The following CELSR2 variants were observed in gnomAD, a reference collection of about 807,000 sequenced individuals.
The protein encoded by CELSR2 is EGF-like protein 2.
CELSR2 carries 81 observed loss-of-function variants against 251.6 expected under a neutral mutation model. The observed-to-expected ratio is 0.32, with a 90% confidence interval of 0.27 to 0.39. The LOEUF is 0.39. CELSR2 is among the 10% of genes least tolerant of loss of function. The probability of loss-of-function intolerance (pLI) is 1.00; values close to 1 mark genes in which losing one functional copy is unlikely to be tolerated. For missense variants in CELSR2, 3,365 were observed against 3,947.7 expected (o/e 0.85, Z 3.96); for synonymous variants, 1,721 against 1,670.5 (o/e 1.03, Z -0.74).
At chr1:109,260,962 C>T in intron 2 of CELSR2, 80 bp from the exon 3 acceptor site, 1 of 1,084,938 alleles carries the variant, frequency 9.2e-7, no homozygotes, top group South Asian at 1.4e-5. Context: ...GCCATGGGAG[C>T]TATCACTGGG....
At chr1:109,266,336 C>T in intron 15 of CELSR2, 130 bp downstream of exon 15, 1 of 1,072,204 alleles carries the variant, frequency 9.3e-7, no homozygotes. Flanking sequence ...GATTTCATTT[C>T]CCATCTTCCT....
chr1:109,263,587 G>A lies in CELSR2; in HGVS notation c.4835-24G>A, dbSNP rs116539539. ...GCCCTCTGAGGCTCCACCCGTCACAGTCTGCCTTTTCCTGCCTCCCCAGAA... is the reference window on the plus strand; with the variant it reads ...GCCCTCTGAGGCTCCACCCGTCACAATCTGCCTTTTCCTGCCTCCCCAGAA... On this transcript the variant is annotated intron_variant, in intron 8 of 33. Transcript: ENST00000271332. 22 of 1,611,506 alleles carry A rather than the reference G, an allele frequency of 1.4e-5. No individual in the cohort carries two copies. In the African/African-American group the frequency reaches 2.9e-4, roughly 21 times the overall value.
At position 109,253,272 on chromosome 1, in the gene CELSR2, G is replaced by C. The variant is rs138135177; in HGVS notation, c.3193G>C (p.Glu1065Gln). The C allele has an allele frequency of 2.6e-4, 422 of 1,613,462 alleles. 1 individual carries two copies. In the African/African-American group the frequency reaches 5.2e-3, roughly 20 times the overall value. ...DISDSLTYSFERGNELSLVLL... is the reference protein window; with the variant it reads ...DISDSLTYSFQRGNELSLVLL... ...CTCAGATAGTCTGACTTACAGCTTT[G>C]AGCGGGGAAATGAACTCAGCCTGGT... is the stretch of plus-strand genomic sequence containing the variant. The change falls in exon 1 of 34, where the codon GAG becomes CAG. Residue 1065 changes from glutamate to glutamine, a missense_variant. Physicochemically the swap from Glu to Gln is conservative, Grantham distance 29 (BLOSUM62 2). This residue lies in a region of CELSR2 where 505 missense variants were observed against 660.0 expected (regional missense o/e 0.77). Transcript: ENST00000271332.
At chr1:109,271,784 G>A in intron 28 of CELSR2, 62 bp downstream of exon 28, 2 of 1,581,202 alleles carry the variant, frequency 1.3e-6, no homozygotes, top group Non-Finnish European at 8.6e-7. Flanking sequence ...GGCCCAGTGA[G>A]CCTGTACTTT....
At chr1:109,257,833 A>G (rs1265173126) in intron 1 of CELSR2, among the ~76,000 whole-genome samples, 1 of 152,194 alleles carries the variant, frequency 6.6e-6, no homozygotes, top group African/African-American at 2.4e-5. Flanking sequence ...ACAGCAGCCC[A>G]GAGAGTTGGG....
chr1:109,265,366 C>T (rs1462564081), intron 13 of CELSR2, 55 bp downstream of exon 13: 2 of 1,542,306 alleles, frequency 1.3e-6, no homozygotes, highest in Non-Finnish European at 1.8e-6. Context: ...GTCCACATCT[C>T]CTGGGCCCTA....
At chr1:109,271,065 G>A (rs749856046) in intron 25 of CELSR2, 26 bp downstream of exon 25, 10 of 1,579,534 alleles carry the variant, frequency 6.3e-6, no homozygotes, top group African/African-American at 4.0e-5. Context: ...TGGGTTGGGT[G>A]TCACCTGTGG....
chr1:109,252,425 C>T lies in CELSR2; in HGVS notation c.2346C>T (p.Thr782=). Residue 782 remains threonine, a synonymous_variant, in exon 1 of 34, where the codon ACC becomes ACT. Transcript: ENST00000271332. This position sits in a 1 kb window ranked among gnomAD's most constrained non-coding sequence, Gnocchi z 4.8. The part of the protein sequence containing the change: ...ELDYEDQVSY[T]LAITARDNGI... ...ACTATGAAGACCAAGTGTCTTACAC[C>T]CTGGCCATTACTGCTCGGGACAATG... is the stretch of plus-strand genomic sequence containing the variant. The T allele has an allele frequency of 1.2e-6, 2 of 1,613,488 alleles. No individual in the cohort carries two copies. Among genetic ancestry groups the T allele is most frequent in the African/African-American group, 2.7e-5 (2 of 75,048 alleles).
chr1:109,263,541 G>A (rs985043754), intron 8 of CELSR2, 70 bp from the exon 9 acceptor site: 29 of 1,572,900 alleles, frequency 1.8e-5, no homozygotes, highest in African/African-American at 6.7e-5. Context: ...AGCCGCCACC[G>A]CTGAGCATCA....
chr1:109,249,603 A>T lies in CELSR2; in HGVS notation c.-477A>T, dbSNP rs996210855. Among the ~76,000 whole-genome samples, 1 of 147,840 alleles carries T rather than the reference A, an allele frequency of 6.8e-6. No homozygotes were observed. Among genetic ancestry groups the T allele is most frequent in the African/African-American group, 2.4e-5 (1 of 40,914 alleles). On this transcript the variant is annotated 5_prime_UTR_variant, in exon 1 of 34. Transcript: ENST00000271332. ...GGGCTGGGCCCGGGGCCGCGGCGACAGGCAGCAGCCGCGGCGGGGACGCGG... is the reference window on the plus strand; with the variant it reads ...GGGCTGGGCCCGGGGCCGCGGCGACTGGCAGCAGCCGCGGCGGGGACGCGG...
Position 109,272,666 on chromosome 1 carries a change from A to C in CELSR2, c.8081A>C (p.Gln2694Pro). 1 of 1,613,686 alleles carries C rather than the reference A, an allele frequency of 6.2e-7. No homozygotes were observed. Among genetic ancestry groups the C allele is most frequent in the Non-Finnish European group, 8.5e-7 (1 of 1,179,898 alleles). Reference protein sequence around the residue: ...LREESALNPGQGPPGLGDPGS... With the variant: ...LREESALNPGPGPPGLGDPGS... ...GAGGAGTCCGCACTGAACCCTGGCC[A>C]AGGGCCCCCTGGCCTGGGGGATCCA... The change falls in exon 30 of 34, where the codon CAA becomes CCA. Residue 2694 changes from glutamine (Q) to proline (P), a missense_variant. By Grantham distance (76) the Gln-to-Pro change is moderately conservative (BLOSUM62 -1). This residue lies in a region of CELSR2 where 2,093 missense variants were observed against 2,382.8 expected (regional missense o/e 0.88). Transcript: ENST00000271332.
At position 109,263,718 on chromosome 1, in the gene CELSR2, C is replaced by G. The variant is rs1656097218; in HGVS notation, c.4942C>G (p.Gln1648Glu). The G allele has an allele frequency of 6.2e-7, 1 of 1,613,916 alleles. No individual in the cohort carries two copies. Among genetic ancestry groups the G allele is most frequent in the South Asian group, 1.1e-5 (1 of 91,092 alleles). The change falls in exon 9 of 34, where the codon CAG becomes GAG. Residue 1648 changes from glutamine to glutamate, a missense_variant. By Grantham distance (29) the Gln-to-Glu change is conservative (BLOSUM62 2). Coordinates refer to ENST00000271332, the MANE Select transcript of CELSR2 (RefSeq NM_001408.3). Reference sequence around the variant, plus strand: ...CCTCAGCCTCATGTTCCGCACGCGCCAGGCCGACGGTGTCCTGCTGCAGGC... The same window carrying G: ...CCTCAGCCTCATGTTCCGCACGCGCGAGGCCGACGGTGTCCTGCTGCAGGC... ...WYLSLMFRTR[Q>E]ADGVLLQAIT...
Position 109,262,432 on chromosome 1 carries a change from G to A in CELSR2, c.4532G>A (p.Gly1511Asp), listed in dbSNP as rs1656044298. Residue 1511 changes from glycine (G) to aspartate (D), a missense_variant, in exon 6 of 34, where the codon GGT becomes GAT. Gly to Asp is a moderately conservative substitution (Grantham distance 94). This residue lies in a region of CELSR2 where 2,093 missense variants were observed against 2,382.8 expected (regional missense o/e 0.88). Coordinates refer to ENST00000271332, the MANE Select transcript of CELSR2 (RefSeq NM_001408.3). The part of the protein sequence containing the change: ...NYSCAAQGTQ[G>D]GSKKSLDLTG... ...TCCTGTGCTGCCCAGGGCACCCAGG[G>A]TGGCAGCAAGAAGTGAGCAGGGGAA... The A allele has an allele frequency of 6.2e-7, 1 of 1,613,896 alleles. No individual in the cohort carries two copies. Among genetic ancestry groups the A allele is most frequent in the Non-Finnish European group, 8.5e-7 (1 of 1,180,002 alleles).
Position 109,275,107 on chromosome 1 carries a change from T to C in CELSR2, c.*1058T>C, listed in dbSNP as rs891000438. The C allele has an allele frequency of 6.6e-6, 1 of 152,544 alleles. No homozygotes were observed. The highest frequency in any genetic ancestry group is 2.4e-5 in the African/African-American group (1 of 41,456). The allele number at this position is 152,544 out of a possible 1,614,324, so 9.4% of individuals were successfully genotyped here. The stretch of plus-strand genomic sequence containing the variant: ...TTCTATTTTTAACCCCTTCTTGGAA[T>C]TGGCTCTCTTCTTCAAAGGACCAGG... On this transcript the variant is annotated 3_prime_UTR_variant, in exon 34 of 34. Transcript: ENST00000271332.
In CELSR2 at chr1:109,269,991, C is replaced by T; in HGVS notation, c.7166C>T (p.Ala2389Val). The change falls in exon 23 of 34, where the codon GCT becomes GTT. Residue 2389 changes from alanine to valine, a missense_variant. By Grantham distance (64) the Ala-to-Val change is moderately conservative. Around this residue, in one of 5 missense-constraint regions of CELSR2, gnomAD observed 2,093 missense variants for 2,382.8 expected, o/e 0.88. Coordinates refer to ENST00000271332, the MANE Select transcript of CELSR2 (RefSeq NM_001408.3). The surrounding 1 kb of genome is among the most constrained non-coding windows in gnomAD (Gnocchi z 6.4). The part of the protein sequence containing the change: ...LTYVALGVTL[A>V]ALLLTFFFLT... ...TACGTGGCTCTAGGTGTCACCTTGG[C>T]TGCCCTTCTGCTCACCTTCTTCTTC... 6.2e-7 allele frequency: 1 copy of T among 1,614,146 alleles called. No individual in the cohort carries two copies. The highest frequency in any genetic ancestry group is 8.5e-7 in the Non-Finnish European group (1 of 1,180,008).
chr1:109,262,250 C>T (rs1450713935), intron 5 of CELSR2, 37 bp from the exon 6 acceptor site: 2 of 1,607,290 alleles, frequency 1.2e-6, no homozygotes, highest in South Asian at 1.1e-5. Context: ...GGGCTCTGTA[C>T]TCAGTGTCCC....
rs557581324 is a variant in CELSR2, at chr1:109,263,193, G to T, written c.4760G>T (p.Gly1587Val). Residue 1587 changes from glycine (G) to valine (V), a missense_variant, in exon 8 of 34, where the codon GGC becomes GTC. Gly to Val is a moderately radical substitution (Grantham distance 109). Transcript: ENST00000271332. ...GACAGCAACACTTGCCACAATGGGG[G>T]CACTTGCGTGAACCAGTGGGACGCG... is the stretch of plus-strand genomic sequence containing the variant. ...VCDSNTCHNG[G>V]TCVNQWDAFS... 8 of 1,600,422 alleles carry T rather than the reference G, an allele frequency of 5.0e-6. No homozygotes were observed. In the South Asian group the frequency reaches 6.6e-5, roughly 13 times the overall value.
chr1:109,260,762 G>T lies in CELSR2; in HGVS notation c.3959-280G>T, dbSNP rs527849647. Among the ~76,000 whole-genome samples the T allele has an allele frequency of 3.3e-5, 5 of 152,278 alleles. No individual in the cohort carries two copies. The South Asian group carries it at 1.0e-3, about 32-fold the overall frequency. ...GCCTGTGCTTATGAAACCCAAATGG[G>T]GTAGGGAAGGTGCTGGGGACTCCGA... On this transcript the variant is annotated intron_variant, in intron 2 of 33. Coordinates refer to ENST00000271332, the MANE Select transcript of CELSR2 (RefSeq NM_001408.3).
intron 28 of CELSR2, among the ~76,000 whole-genome samples, 188 bp from the exon 29 acceptor site, chr1:109,272,090 A>G (rs927261940): frequency 2.0e-5 from 3 of 152,160 alleles, no homozygotes; most frequent in African/African-American, 7.2e-5. Context: ...CAGGGGTAGC[A>G]CAGCTGTGGC....
Sources: allele counts gnomAD v4.1 joint callset (sites outside exome capture counted in the v4.1 genomes callset), GRCh38; gene constraint gnomAD v4.1.1; regional missense constraint gnomAD v4.1.1; non-coding constraint Gnocchi (gnomAD v3.1); transcripts MANE v1.5; gene names NCBI Gene and HGNC (gene_info 2026-07-23, HGNC 2026-07-21).